The following ADK variants were observed in gnomAD, a reference collection of about 807,000 sequenced individuals.
ADK encodes the protein adenosine kinase.
Under a neutral mutation model 44.7 loss-of-function variants are expected in ADK, and 24 were observed. That is an observed-to-expected ratio of 0.54 (90% CI 0.39 to 0.76). The LOEUF (loss-of-function observed/expected upper bound fraction) is 0.76, where lower values mean the gene tolerates loss of function less well. Ranked by LOEUF, ADK falls within the 30% of genes least tolerant of loss-of-function variation. The probability of loss-of-function intolerance (pLI) is 0.00; values close to 1 mark genes in which losing one functional copy is unlikely to be tolerated. For missense variants in ADK, 321 were observed against 425.1 expected (o/e 0.76, Z 2.15); for synonymous variants, 128 against 142.6 (o/e 0.90, Z 0.73).
chr10:74,325,551 G>A (rs1840975955), intron 4 of ADK, among the ~76,000 whole-genome samples: 1 of 152,086 alleles, frequency 6.6e-6, no homozygotes, highest in South Asian at 2.1e-4. Flanking sequence ...ATACATCCTT[G>A]TCTTGTTCCA....
chr10:74,288,325 A>G (rs1847268131), intron 3 of ADK, among the ~76,000 whole-genome samples: 1 of 152,188 alleles, frequency 6.6e-6, no homozygotes. Flanking sequence ...CTTTTAGTAG[A>G]GATCATGTAA....
chr10:74,663,487 A>G (rs1436506771), intron 9 of ADK, among the ~76,000 whole-genome samples: 2 of 151,998 alleles, frequency 1.3e-5, no homozygotes, highest in African/African-American at 4.8e-5. Context: ...CTCCTAATCA[A>G]GTGTACTTCC....
chr10:74,422,377 A>G (rs1192742039), intron 6 of ADK, among the ~76,000 whole-genome samples: 1 of 152,246 alleles, frequency 6.6e-6, no homozygotes. Context: ...CAGAGTCATG[A>G]CAACTAAATG....
At chr10:74,363,806 G>A (rs1842416889) in intron 4 of ADK, among the ~76,000 whole-genome samples, 1 of 152,012 alleles carries the variant, frequency 6.6e-6, no homozygotes, top group Non-Finnish European at 1.5e-5. Flanking sequence ...TCAGAGCTGA[G>A]AATGGACCAC....
At chr10:74,397,245 C>T (rs1394648198) in intron 5 of ADK, among the ~76,000 whole-genome samples, 1 of 150,708 alleles carries the variant, frequency 6.6e-6, no homozygotes, top group Non-Finnish European at 1.5e-5. Flanking sequence ...ACAGATGTAT[C>T]CTTTAGTAGT....
chr10:74,336,983 T>C (rs1362179252), intron 4 of ADK, among the ~76,000 whole-genome samples: 1 of 152,198 alleles, frequency 6.6e-6, no homozygotes, highest in African/African-American at 2.4e-5. Flanking sequence ...GCAGATCCCA[T>C]GGATATGGTG....
At chr10:74,343,346 A>G (rs371774663) in intron 4 of ADK, among the ~76,000 whole-genome samples, 168 of 152,294 alleles carry the variant, frequency 1.1e-3, no homozygotes, top group Middle Eastern at 3.4e-3. Context: ...CAATTACCAC[A>G]TATTTTATAT....
At chr10:74,655,853 C>T (rs1342459274) in intron 9 of ADK, 10 of 556,022 alleles carry the variant, frequency 1.8e-5, no homozygotes, top group South Asian at 5.2e-5. Flanking sequence ...AGCAGGAGAA[C>T]GACCAGGAAG....
intron 1 of ADK, among the ~76,000 whole-genome samples, chr10:74,185,039 G>A (rs909803181): frequency 3.3e-5 from 5 of 152,130 alleles, no homozygotes; most frequent in Non-Finnish European, 5.9e-5. Context: ...TTCCTCATCC[G>A]TTAAAAAGAG....
chr10:74,404,836 C>T (rs1438012413), intron 6 of ADK, among the ~76,000 whole-genome samples: 1 of 152,140 alleles, frequency 6.6e-6, no homozygotes, highest in African/African-American at 2.4e-5. Flanking sequence ...AAAAAATACA[C>T]ACAGAGAAAA....
Position 74,389,172 on chromosome 10 carries a change from G to T in ADK, c.274-4969G>T, listed in dbSNP as rs953302538. Among the ~76,000 whole-genome samples the T allele has an allele frequency of 2.0e-5, 3 of 152,164 alleles. No homozygotes were observed. The East Asian group carries it at 5.8e-4, about 29-fold the overall frequency. On this transcript the variant is annotated intron_variant, in intron 4 of 10. Transcript: ENST00000539909. ...CAGAGCAGAAGTTAAAGTTTTTAAG[G>T]TATACTGTACATATGTGAACCAAGG...
rs80161292 is a variant in ADK at position 74,592,468 on chromosome 10, T to C, written c.762+3151T>C. Among the ~76,000 whole-genome samples, 1,182 of 152,288 alleles carry C rather than the reference T, an allele frequency of 7.8e-3. 18 individuals are homozygous for C. The highest frequency in any genetic ancestry group is 0.027 in the African/African-American group (1,136 of 41,562). On this transcript the variant is annotated intron_variant, in intron 8 of 10. Transcript: ENST00000539909. ...ATACCTCAAAACCTAAATATATATA[T>C]TCTCTATCTTTTCATTGTCTCTGCA...
intron 9 of ADK, among the ~76,000 whole-genome samples, chr10:74,619,323 C>T (rs1852893681): frequency 6.6e-6 from 1 of 151,994 alleles, no homozygotes; most frequent in Admixed American, 6.6e-5. Flanking sequence ...GGCATGGTGG[C>T]AGGTGCCTGT....
chr10:74,246,454 G>A lies in ADK; in HGVS notation c.194+21863G>A, dbSNP rs140844179. On this transcript the variant is annotated intron_variant, in intron 3 of 10. Transcript: ENST00000539909. ...GATGGTTGGTTTTATAGACAGAAAGGGCTGAAGAAAGCAGATTGGTCATTT... is the reference window on the plus strand; with the variant it reads ...GATGGTTGGTTTTATAGACAGAAAGAGCTGAAGAAAGCAGATTGGTCATTT... Among the ~76,000 whole-genome samples, 170 of 152,282 alleles carry A rather than the reference G, an allele frequency of 1.1e-3. 3 individuals carry two copies. The East Asian group carries it at 0.032, about 29-fold the overall frequency.
intron 4 of ADK, among the ~76,000 whole-genome samples, chr10:74,315,592 C>A (rs1314833277): frequency 3.6e-5 from 5 of 139,912 alleles, no homozygotes; most frequent in African/African-American, 7.7e-5. Context: ...CTGCTCATTG[C>A]AATCATGTGT....
intron 9 of ADK, among the ~76,000 whole-genome samples, chr10:74,620,515 C>G (rs1852955578): frequency 6.6e-6 from 1 of 152,148 alleles, no homozygotes; most frequent in African/African-American, 2.4e-5. Flanking sequence ...ATCCATTTAT[C>G]TGTTGTTGGA....
chr10:74,504,742 G>A (rs939489594), intron 6 of ADK, among the ~76,000 whole-genome samples: 2 of 152,048 alleles, frequency 1.3e-5, no homozygotes, highest in East Asian at 3.9e-4. Flanking sequence ...GTGATAGTGA[G>A]TTCTCGTGGA....
intron 6 of ADK, among the ~76,000 whole-genome samples, chr10:74,404,181 T>G (rs1215198058): frequency 6.6e-6 from 1 of 151,810 alleles, no homozygotes; most frequent in African/African-American, 2.4e-5. Context: ...CTAATTGTTT[T>G]TTTTTTTTTT....
chr10:74,174,474 A>C (rs1281324287), intron 1 of ADK: 1 of 152,142 alleles, frequency 6.6e-6, no homozygotes, highest in African/African-American at 2.4e-5. Flanking sequence ...GGGAACATAA[A>C]GAAATGCAAA....
Sources: allele counts gnomAD v4.1 joint callset (sites outside exome capture counted in the v4.1 genomes callset), GRCh38; gene constraint gnomAD v4.1.1; transcripts MANE v1.5; gene names NCBI Gene and HGNC (gene_info 2026-07-23, HGNC 2026-07-21).